The following CWC27 variants were observed in gnomAD, a reference collection of about 807,000 sequenced individuals.
CWC27 encodes the protein CWC27 spliceosome associated cyclophilin.
CWC27 carries 47 observed loss-of-function variants against 63.6 expected under a neutral mutation model. The observed-to-expected ratio is 0.74, with a 90% CI of 0.58 to 0.94. The LOEUF (loss-of-function observed/expected upper bound fraction) is 0.94, where lower values mean the gene tolerates loss of function less well. CWC27 is among the 40% of genes least tolerant of loss of function. The pLI is 0.00. For missense variants in CWC27, 495 were observed against 554.3 expected (o/e 0.89, Z 1.07); for synonymous variants, 175 against 179.8 (o/e 0.97, Z 0.22).
intron 10 of CWC27, among the ~76,000 whole-genome samples, chr5:64,824,014 C>T (rs1302942113): frequency 2.6e-5 from 4 of 151,806 alleles, no homozygotes; most frequent in Non-Finnish European, 4.4e-5. Flanking sequence ...ACGTGTCTAC[C>T]AATGTGATTA....
intron 13 of CWC27, among the ~76,000 whole-genome samples, chr5:65,014,638 AC>A (rs1478214946): frequency 6.6e-6 from 1 of 151,966 alleles, no homozygotes; most frequent in Non-Finnish European, 1.5e-5. Context: ...AAACTATCAG[AC>A]CCCCTGTACT....
intron 13 of CWC27, among the ~76,000 whole-genome samples, chr5:65,014,726 TAC>T: frequency 6.6e-6 from 1 of 152,340 alleles, no homozygotes; most frequent in Admixed American, 6.5e-5. Flanking sequence ...TTTCAATTCG[TAC>T]AGTCTGTGAT....
chr5:65,001,377 G>A (rs1354273224), intron 13 of CWC27, among the ~76,000 whole-genome samples: 1 of 152,028 alleles, frequency 6.6e-6, no homozygotes, highest in African/African-American at 2.4e-5. Context: ...GGTAAAAGTG[G>A]GCATCCTTGT....
chr5:64,823,719 T>G (rs986542015), intron 10 of CWC27, among the ~76,000 whole-genome samples: 9 of 152,150 alleles, frequency 5.9e-5, no homozygotes. Flanking sequence ...AAATGTTAAG[T>G]CAAGTGAAGT....
At chr5:64,886,873 C>T (rs548925054) in intron 11 of CWC27, among the ~76,000 whole-genome samples, 44 of 152,004 alleles carry the variant, frequency 2.9e-4, no homozygotes, top group Admixed American at 4.6e-4. Context: ...AAATGTAACC[C>T]AGAATAGAAA....
At chr5:64,791,117 C>A (rs1198816810) in intron 7 of CWC27, among the ~76,000 whole-genome samples, 1 of 152,172 alleles carries the variant, frequency 6.6e-6, no homozygotes, top group Non-Finnish European at 1.5e-5. Context: ...CTAAATCCCA[C>A]AGGGTCCTGG....
At chr5:64,889,861 T>G (rs1272988745) in intron 11 of CWC27, among the ~76,000 whole-genome samples, 2 of 152,128 alleles carry the variant, frequency 1.3e-5, no homozygotes, top group Non-Finnish European at 1.5e-5. Flanking sequence ...TGCATAAGGT[T>G]GTTGTGGGGG....
Position 64,972,160 on chromosome 5 carries a change from G to T in CWC27, c.1152+348G>T, listed in dbSNP as rs114267812. On this transcript the variant is annotated intron_variant, in intron 12 of 13. Transcript: ENST00000381070. ...GAAGTGGTGATTATAAATGATGAGA[G>T]AGTCTCTTCCAGCCCGACATCTCGC... is the stretch of plus-strand genomic sequence containing the variant. Among the ~76,000 whole-genome samples the T allele has an allele frequency of 4.1e-3, 622 of 152,286 alleles. 2 individuals carry two copies. Among genetic ancestry groups the T allele is most frequent in the African/African-American group, 0.014 (581 of 41,564 alleles).
intron 13 of CWC27, among the ~76,000 whole-genome samples, chr5:65,006,189 A>C (rs1355820459): frequency 6.6e-6 from 1 of 152,228 alleles, no homozygotes; most frequent in Non-Finnish European, 1.5e-5. Context: ...TACCTGTAAA[A>C]GTATTAGTCA....
chr5:64,957,664 C>T (rs1407157066), intron 11 of CWC27, among the ~76,000 whole-genome samples: 1 of 152,150 alleles, frequency 6.6e-6, no homozygotes, highest in East Asian at 1.9e-4. Context: ...TAAAAAGCTG[C>T]TTATCAAGTA....
chr5:65,004,903 T>TACAC lies in CWC27; in HGVS notation c.1257-13255_1257-13254insCACA, dbSNP rs1301869526. Among the ~76,000 whole-genome samples the TACAC allele has an allele frequency of 3.2e-4, 19 of 59,722 alleles. 1 individual carries two copies. Among genetic ancestry groups the TACAC allele is most frequent in the Admixed American group, 2.8e-3 (12 of 4,324 alleles). The allele number at this position is 59,722 out of a possible 152,430, so 39.2% of individuals were successfully genotyped here. A position where few individuals can be genotyped will look rare whatever the true frequency, so the allele number is the denominator to read the frequency against. On this transcript the variant is annotated intron_variant, in intron 13 of 13. Transcript: ENST00000381070. ...ATATATATATATATATATATATATA[T>TACAC]ATACATACACACACACACACACACA...
rs758381011 is a variant in CWC27 at position 64,788,935 on chromosome 5, C to G, written c.600-16C>G. ...TTTCTCTTTCTTTTTTTTTTTCTTT[C>G]TTTTTTTTGGACTAGAAATTTTAGT... On this transcript the variant is annotated splice_polypyrimidine_tract_variant and intron_variant, in intron 6 of 13. Coordinates refer to ENST00000381070, the MANE Select transcript of CWC27 (RefSeq NM_005869.4). 7 of 1,418,122 alleles carry G rather than the reference C, an allele frequency of 4.9e-6. No individual in the cohort carries two copies. The highest frequency in any genetic ancestry group is 2.8e-5 in the South Asian group (2 of 70,400). The allele number at this position is 1,418,122 out of a possible 1,614,324, so 87.8% of individuals were successfully genotyped here. A position where few individuals can be genotyped will look rare whatever the true frequency, so the allele number is the denominator to read the frequency against.
chr5:64,893,268 T>A (rs1354401994), intron 11 of CWC27, among the ~76,000 whole-genome samples: 1 of 152,242 alleles, frequency 6.6e-6, no homozygotes, highest in Non-Finnish European at 1.5e-5. Context: ...TTATGTGACA[T>A]TTTCTGAGGT....
At chr5:64,924,112 A>G (rs1178659647) in intron 11 of CWC27, among the ~76,000 whole-genome samples, 1 of 152,176 alleles carries the variant, frequency 6.6e-6, no homozygotes, top group African/African-American at 2.4e-5. Flanking sequence ...TGTCTCTGGT[A>G]TATCCCTATT....
intron 7 of CWC27, among the ~76,000 whole-genome samples, chr5:64,790,893 C>A (rs1162832626): frequency 6.6e-6 from 1 of 152,136 alleles, no homozygotes; most frequent in Non-Finnish European, 1.5e-5. Flanking sequence ...GGTTAAATAA[C>A]TCATCCATGA....
intron 10 of CWC27, among the ~76,000 whole-genome samples, chr5:64,878,546 C>T (rs1342124732): frequency 7.9e-6 from 1 of 127,344 alleles, no homozygotes; most frequent in Non-Finnish European, 1.6e-5. Flanking sequence ...ATCTTTGCAT[C>T]AGTTTTGCAT....
chr5:64,796,377 A>G (rs1208956657), intron 7 of CWC27, among the ~76,000 whole-genome samples: 4 of 151,908 alleles, frequency 2.6e-5, no homozygotes, highest in African/African-American at 7.3e-5. Context: ...CATGCTGGAG[A>G]CTCAGGGAAT....
intron 11 of CWC27, among the ~76,000 whole-genome samples, chr5:64,917,817 G>A (rs188197026): frequency 1.6e-4 from 25 of 152,194 alleles, no homozygotes; most frequent in Non-Finnish European, 2.8e-4. Flanking sequence ...CTGGGTCTCA[G>A]GCCTTTGAAC....
At chr5:64,932,021 A>T (rs1748246974) in intron 11 of CWC27, among the ~76,000 whole-genome samples, 1 of 152,122 alleles carries the variant, frequency 6.6e-6, no homozygotes, top group African/African-American at 2.4e-5. Context: ...TACGTCTTTA[A>T]CTGGAATAGC....
Sources: allele counts gnomAD v4.1 joint callset (sites outside exome capture counted in the v4.1 genomes callset), GRCh38; gene constraint gnomAD v4.1.1; transcripts MANE v1.5; gene names NCBI Gene and HGNC (gene_info 2026-07-23, HGNC 2026-07-21).